The following EIF3G variants were observed in gnomAD, a reference collection of about 807,000 sequenced individuals.
EIF3G encodes the protein eukaryotic translation initiation factor 3 RNA-binding subunit.
In EIF3G, 10 loss-of-function variants were observed where a neutral mutation model predicts 41.7. The observed-to-expected ratio is 0.24, with a 90% confidence interval of 0.15 to 0.41. The LOEUF is 0.41. Ranked by LOEUF, EIF3G falls within the 10% of genes least tolerant of loss-of-function variation. The pLI is 1.00. For synonymous variants in EIF3G, 204 were observed against 172.5 expected (o/e 1.18, Z -1.43); for missense variants, 297 against 444.0 (o/e 0.67, Z 2.98).
intron 5 of EIF3G, chr19:10,118,373 C>G (rs934181247): frequency 1.6e-5 from 6 of 379,408 alleles, no homozygotes; most frequent in African/African-American, 1.3e-4. Context: ...CGAGACCAGC[C>G]TGGCCAACAT....
rs188010698 is a variant in EIF3G, at chr19:10,119,716, T to C, written c.21-16A>G. The C allele has an allele frequency of 6.8e-6, 11 of 1,610,532 alleles. No homozygotes were observed. The Admixed American group carries it at 1.7e-4, about 24-fold the overall frequency. On this transcript the variant is annotated splice_polypyrimidine_tract_variant and intron_variant, in intron 1 of 10. Transcript: ENST00000253108. ...GGGCTTCGAACTGCGGAAACAAATG[T>C]GTGGGGAACGAAGATTAAGTCAGCC...
At chr19:10,117,451 A>G (rs1180270221) in intron 5 of EIF3G, 1 of 432,734 alleles carries the variant, frequency 2.3e-6, no homozygotes, top group Admixed American at 3.9e-5. Flanking sequence ...AGTCTGGCGG[A>G]CCAGCTCCCA....
At chr19:10,118,996 G>A (rs778556605) in intron 3 of EIF3G, 40 bp from the exon 4 acceptor site, 3 of 1,613,836 alleles carry the variant, frequency 1.9e-6, no homozygotes, top group Non-Finnish European at 2.5e-6. Flanking sequence ...TGAGCCCTGG[G>A]TCATGGGGAT....
In EIF3G at chr19:10,115,705, G is replaced by A; in HGVS notation, c.819C>T (p.Asp273=). ...CCACCTTGGATTGGCCAGTGGTCTT[G>A]TCCTTAGCCAGGTAGATGCGGGAGA... ...GSISRIYLAK[D]KTTGQSKGFA... is the part of the protein sequence containing the mutation. The change falls in exon 9 of 11, where the codon GAC becomes GAT. Residue 273 remains aspartate (D), a synonymous_variant. Transcript: ENST00000253108. 3 of 1,614,206 alleles carry A rather than the reference G, an allele frequency of 1.9e-6. No individual in the cohort carries two copies. The highest frequency in any genetic ancestry group is 1.1e-5 in the South Asian group (1 of 91,092).
Position 10,116,792 on chromosome 19 carries a change from C to T in EIF3G, c.595+8G>A. On this transcript the variant is annotated splice_region_variant and intron_variant, in intron 7 of 10. Coordinates refer to ENST00000253108, the MANE Select transcript of EIF3G (RefSeq NM_003755.5). This position sits in a 1 kb window ranked among gnomAD's most constrained non-coding sequence, Gnocchi z 4.1. ...TGCACTGACAGCAGGACCCTCCCAC[C>T]CCCACACCTCCCGGCAGCTTCTCCT... 1 of 1,569,714 alleles carries T rather than the reference C, an allele frequency of 6.4e-7. No homozygotes were observed. The highest frequency in any genetic ancestry group is 8.7e-7 in the Non-Finnish European group (1 of 1,155,622).
rs758144521 is a variant in EIF3G, at chr19:10,116,229, C to G, written c.596-155G>C. The stretch of plus-strand genomic sequence containing the variant: ...TGGCCACGAGGACACCAAGGTGACA[C>G]CTGAGAAGCTGACACCATTTGAGCT... On this transcript the variant is annotated intron_variant, in intron 7 of 10. Transcript: ENST00000253108. The surrounding 1 kb of genome is among the most constrained non-coding windows in gnomAD (Gnocchi z 4.1). 3.2e-4 allele frequency: 220 copies of G among 692,922 alleles called. 3 individuals carry two copies. In the South Asian group the frequency reaches 3.8e-3, roughly 12 times the overall value. 42.9% of individuals were successfully genotyped at this position (692,922 alleles called of 1,614,324 possible).
intron 8 of EIF3G, 57 bp from the exon 9 acceptor site, chr19:10,115,877 G>C: frequency 6.3e-7 from 1 of 1,581,678 alleles, no homozygotes; most frequent in Non-Finnish European, 8.6e-7. Context: ...GCCCTCGTGT[G>C]CTGCCCAGCC....
rs1222527468 is a variant in EIF3G at position 10,118,968 on chromosome 19, G to A, written c.152-12C>T. On this transcript the variant is annotated splice_polypyrimidine_tract_variant and intron_variant, in intron 3 of 10. Transcript: ENST00000253108. ...AGGCGGCAGTGGAGCTGGCAGAAGG[G>A]GAAAAACAGAGAAAGACTGAGCCCT... 2 of 1,614,054 alleles carry A rather than the reference G, an allele frequency of 1.2e-6. No homozygotes were observed. Among genetic ancestry groups the A allele is most frequent in the South Asian group, 1.1e-5 (1 of 91,082 alleles).
Position 10,115,956 on chromosome 19 carries a change from G to C in EIF3G, c.703+11C>G, listed in dbSNP as rs772746591. The C allele has an allele frequency of 1.2e-6, 2 of 1,611,344 alleles. No homozygotes were observed. The highest frequency in any genetic ancestry group is 2.7e-5 in the African/African-American group (2 of 74,852). ...GCCCACCCACCAGCCTGGCGTCGGG[G>C]TGCCCCTCACCTCTGCGGTTGGGCT... On this transcript the variant is annotated intron_variant, in intron 8 of 10. Coordinates refer to ENST00000253108, the MANE Select transcript of EIF3G (RefSeq NM_003755.5).
At chr19:10,115,419 CTCCGTGAAGG>C in intron 10 of EIF3G, 50 bp downstream of exon 10, 1 of 1,541,730 alleles carries the variant, frequency 6.5e-7, no homozygotes, top group Non-Finnish European at 8.8e-7. Flanking sequence ...TGGCCCAACA[CTCCGTGAAGG>C]TGCTGGGACA....
chr19:10,118,700 G>A lies in EIF3G; in HGVS notation c.268C>T (p.Arg90Trp), dbSNP rs368465202. The change falls in exon 5 of 11, where the codon CGG (arginine) becomes TGG (tryptophan). Residue 90 changes from arginine to tryptophan, a missense_variant. Transcript: ENST00000253108. ...KIVRTFRIET[R>W]KASKAVARRK... The stretch of plus-strand genomic sequence containing the variant: ...CTTGCGACAGCCTTTGAAGCCTTCC[G>A]GGTCTCAATCCTGAAGGTGCGGACA... The A allele has an allele frequency of 1.2e-5, 20 of 1,613,972 alleles. No homozygotes were observed. The highest frequency in any genetic ancestry group is 2.7e-5 in the African/African-American group (2 of 74,894).
chr19:10,118,612 C>T (rs780454313), intron 5 of EIF3G, 56 bp downstream of exon 5: 1 of 1,586,476 alleles, frequency 6.3e-7, no homozygotes, highest in Non-Finnish European at 8.7e-7. Flanking sequence ...AACACAAAGT[C>T]CGGGAGCACG....
intron 5 of EIF3G, 150 bp downstream of exon 5, chr19:10,118,518 T>G: frequency 1.2e-6 from 1 of 821,546 alleles, no homozygotes; most frequent in Non-Finnish European, 1.9e-6. Context: ...TGAGTCGAGA[T>G]CGTGCCACTG....
At chr19:10,119,355 T>A (rs576516256) in intron 2 of EIF3G, 184 bp from the exon 3 acceptor site, 17 of 796,306 alleles carry the variant, frequency 2.1e-5, no homozygotes, top group Non-Finnish European at 1.5e-5. Context: ...GGATGGGAGA[T>A]CCCTCGTAGG....
chr19:10,118,757 T>C, intron 4 of EIF3G, 30 bp from the exon 5 acceptor site: 2 of 1,613,222 alleles, frequency 1.2e-6, no homozygotes, highest in Non-Finnish European at 1.7e-6. Flanking sequence ...AGGGTCAGGC[T>C]CCTGGGACCA....
chr19:10,115,651 A>T (rs774932193), intron 9 of EIF3G, 33 bp downstream of exon 9: 4 of 1,601,892 alleles, frequency 2.5e-6, no homozygotes, highest in Non-Finnish European at 3.4e-6. Context: ...AGTGACCCTC[A>T]CACAGCCCCA....
intron 5 of EIF3G, 174 bp downstream of exon 5, chr19:10,118,494 G>A: frequency 4.5e-6 from 3 of 665,720 alleles, no homozygotes; most frequent in Non-Finnish European, 7.6e-6. Context: ...GAACCCAGGA[G>A]GCGGAGGTTG....
Position 10,116,164 on chromosome 19 carries a change from G to T in EIF3G, c.596-90C>A. 1 of 1,315,518 alleles carries T rather than the reference G, an allele frequency of 7.6e-7. No homozygotes were observed. 81.5% of individuals were successfully genotyped at this position (1,315,518 alleles called of 1,614,324 possible). A position where few individuals can be genotyped will look rare whatever the true frequency, so the allele number is the denominator to read the frequency against. ...CAGGAAGCTCGGGCTTCAGTGTTGA[G>T]CCAGCGCAGGCACTGTGTGCCAAAC... On this transcript the variant is annotated intron_variant, in intron 7 of 10. Coordinates refer to ENST00000253108, the MANE Select transcript of EIF3G (RefSeq NM_003755.5). The surrounding 1 kb of genome is among the most constrained non-coding windows in gnomAD (Gnocchi z 4.1).
chr19:10,117,406 G>A lies in EIF3G; in HGVS notation c.301-218C>T, dbSNP rs1158026381. On this transcript the variant is annotated intron_variant, in intron 5 of 10. Transcript: ENST00000253108. ...AGGCAGGGCAGCTGTCAGCCTCCGG[G>A]TCCAGGTGACAGCTACACAGCGTGG... 8 of 549,430 alleles carry A rather than the reference G, an allele frequency of 1.5e-5. 1 individual carries two copies. Among genetic ancestry groups the A allele is most frequent in the Non-Finnish European group, 1.9e-5 (6 of 309,388 alleles). 34.0% of individuals were successfully genotyped at this position (549,430 alleles called of 1,614,324 possible).
Sources: gnomAD v4.1 joint callset for allele counts on GRCh38, gnomAD v4.1.1 for gene constraint, Gnocchi (gnomAD v3.1) non-coding constraint, MANE v1.5 for transcripts, NCBI Gene and HGNC (gene_info 2026-07-23, HGNC 2026-07-21) for gene names.